Variants in CSMD1 observed in about 807,000 individuals in gnomAD.
CSMD1 encodes the protein CUB and sushi domain-containing protein 1.
CSMD1 carries 213 observed loss-of-function variants against 417.5 expected under a neutral mutation model. The observed-to-expected ratio is 0.51, with a 90% CI of 0.46 to 0.57. The LOEUF (loss-of-function observed/expected upper bound fraction) is 0.57, where lower values mean the gene tolerates loss of function less well. Ranked by LOEUF, CSMD1 falls within the 20% of genes least tolerant of loss-of-function variation. The pLI is 0.00. For synonymous variants in CSMD1, 2,862 were observed against 1,736.8 expected, an observed-to-expected ratio of 1.65 and a Z score of -16.11; for missense variants, 6,923 against 4,529.7, an observed-to-expected ratio of 1.53 and a Z score of -15.17.
At chr8:3,956,577 G>C (rs1164524994) in intron 5 of CSMD1, among the ~76,000 whole-genome samples, 2 of 152,180 alleles carry the variant, frequency 1.3e-5, no homozygotes, top group African/African-American at 4.8e-5. Flanking sequence ...ATCAAATACT[G>C]TGCCCCATGT....
At chr8:3,599,685 A>G (rs1254237635) in intron 8 of CSMD1, among the ~76,000 whole-genome samples, 1 of 151,878 alleles carries the variant, frequency 6.6e-6, no homozygotes, top group Non-Finnish European at 1.5e-5. Context: ...CAACATCTCC[A>G]TTTTCCTTTG....
chr8:4,551,598 G>A (rs925729304), intron 2 of CSMD1, among the ~76,000 whole-genome samples: 3 of 152,104 alleles, frequency 2.0e-5, no homozygotes, highest in Admixed American at 6.6e-5. Flanking sequence ...CACTCAAGAT[G>A]CTGCCATCAA....
chr8:3,662,069 T>G (rs1005588269), intron 7 of CSMD1, among the ~76,000 whole-genome samples: 1 of 152,156 alleles, frequency 6.6e-6, no homozygotes, highest in Non-Finnish European at 1.5e-5. Context: ...GCTCAGTAGT[T>G]GTGTAGAAAC....
chr8:4,470,285 C>T (rs963217292), intron 2 of CSMD1, among the ~76,000 whole-genome samples: 1 of 152,168 alleles, frequency 6.6e-6, no homozygotes, highest in Non-Finnish European at 1.5e-5. Context: ...AGCCTTCTCC[C>T]TCCTCTCCTT....
chr8:4,155,994 A>C (rs1040583394), intron 3 of CSMD1, among the ~76,000 whole-genome samples: 9 of 152,164 alleles, frequency 5.9e-5, no homozygotes, highest in Non-Finnish European at 1.5e-5. Flanking sequence ...TAAACATCAA[A>C]AAAGCCTAAT....
chr8:3,621,440 G>T (rs528849531), intron 7 of CSMD1, among the ~76,000 whole-genome samples: 1 of 152,144 alleles, frequency 6.6e-6, no homozygotes, highest in African/African-American at 2.4e-5. Flanking sequence ...CTGGGGCAAA[G>T]GGAAAGAGAA....
intron 10 of CSMD1, among the ~76,000 whole-genome samples, chr8:3,505,179 T>C (rs1247024082): frequency 6.6e-6 from 1 of 152,090 alleles, no homozygotes; most frequent in African/African-American, 2.4e-5. Flanking sequence ...AGAGTAAGTA[T>C]TAAAAAATGA....
chr8:3,872,060 G>A (rs962130124), intron 5 of CSMD1, among the ~76,000 whole-genome samples: 2 of 152,144 alleles, frequency 1.3e-5, no homozygotes, highest in Admixed American at 6.5e-5. Flanking sequence ...TGCTCTTTTA[G>A]GATACAACCT....
rs1290780539 is a variant in CSMD1, at chr8:2,966,567, A to G, written c.9100+3T>C. The G allele has an allele frequency of 1.2e-6, 2 of 1,612,488 alleles. No homozygotes were observed. Among genetic ancestry groups the G allele is most frequent in the Non-Finnish European group, 1.7e-6 (2 of 1,178,964 alleles). On this transcript the variant is annotated splice_donor_region_variant and intron_variant, in intron 58 of 69. Transcript: ENST00000635120. ...GAGTCTACCATGATGTCTGCTTACT[A>G]ACTTGTGCAGTCGGGAGCAGTGCCT... is the stretch of plus-strand genomic sequence containing the variant.
intron 3 of CSMD1, among the ~76,000 whole-genome samples, chr8:4,072,972 A>G (rs1799637012): frequency 1.3e-5 from 2 of 152,190 alleles, no homozygotes; most frequent in South Asian, 4.1e-4. Context: ...TCGTGACATC[A>G]GATTTTGCCT....
chr8:3,534,730 G>T (rs1165492445), intron 10 of CSMD1, among the ~76,000 whole-genome samples: 1 of 152,128 alleles, frequency 6.6e-6, no homozygotes, highest in Admixed American at 6.5e-5. Flanking sequence ...AGCAACAACT[G>T]CATAAGCATC....
At chr8:2,972,231 G>C (rs181933108) in intron 57 of CSMD1, among the ~76,000 whole-genome samples, 31 of 152,112 alleles carry the variant, frequency 2.0e-4, no homozygotes, top group African/African-American at 6.7e-4. Context: ...GTATAGTCAA[G>C]GACAATAAAT....
chr8:4,876,452 G>A (rs1803048657), intron 1 of CSMD1, among the ~76,000 whole-genome samples: 1 of 151,924 alleles, frequency 6.6e-6, no homozygotes. Flanking sequence ...TACATACTAA[G>A]AACAATTTTA....
chr8:4,585,939 G>A (rs1348293695), intron 2 of CSMD1, among the ~76,000 whole-genome samples: 1 of 152,092 alleles, frequency 6.6e-6, no homozygotes, highest in Non-Finnish European at 1.5e-5. Flanking sequence ...TAAAATTATT[G>A]ATTTGTGGGA....
chr8:4,276,492 G>C (rs977910765), intron 3 of CSMD1, among the ~76,000 whole-genome samples: 7 of 152,124 alleles, frequency 4.6e-5, no homozygotes, highest in African/African-American at 1.4e-4. Flanking sequence ...ACCTAATACA[G>C]ATGACGGGTT....
chr8:4,394,288 G>C (rs1016277384), intron 3 of CSMD1, among the ~76,000 whole-genome samples: 1 of 152,046 alleles, frequency 6.6e-6, no homozygotes. Flanking sequence ...ATGAAGTTGA[G>C]TAAAAATGTT....
chr8:3,785,202 G>A (rs957097936), intron 5 of CSMD1, among the ~76,000 whole-genome samples: 1 of 152,208 alleles, frequency 6.6e-6, no homozygotes, highest in Non-Finnish European at 1.5e-5. Flanking sequence ...CTGAATTAAA[G>A]AGTTGTTATG....
rs529620540 is a variant in CSMD1, at chr8:4,920,147, A to G, written c.85+74185T>C. ...TCATGAAAATTCCTACCTTGTATAT[A>G]TAATATTTGTAATGTTGAGTCAATG... On this transcript the variant is annotated intron_variant, in intron 1 of 69. Coordinates refer to ENST00000635120, the MANE Select transcript of CSMD1 (RefSeq NM_033225.6). Among the ~76,000 whole-genome samples the G allele has an allele frequency of 4.5e-3, 688 of 152,310 alleles. 9 individuals are homozygous for G. The highest frequency in any genetic ancestry group is 0.015 in the African/African-American group (641 of 41,564).
intron 52 of CSMD1, among the ~76,000 whole-genome samples, chr8:3,016,059 T>C (rs936527542): frequency 1.3e-5 from 2 of 152,262 alleles, no homozygotes; most frequent in African/African-American, 2.4e-5. Context: ...GGGCAAATTC[T>C]GTACTTCTCT....
Sources: allele counts gnomAD v4.1 joint callset (sites outside exome capture counted in the v4.1 genomes callset), GRCh38; gene constraint gnomAD v4.1.1; transcripts MANE v1.5; gene names NCBI Gene and HGNC (gene_info 2026-07-23, HGNC 2026-07-21).